Variants in RALYL observed in about 807,000 individuals in gnomAD.
The protein encoded by RALYL is RNA-binding Raly-like protein.
In RALYL, 29 loss-of-function variants were observed where a neutral mutation model predicts 35.1. The observed-to-expected ratio is 0.83, with a 90% CI of 0.61 to 1.13. The LOEUF is 1.13. RALYL is among the 50% of genes most tolerant of loss of function. The pLI is 0.00. For synonymous variants in RALYL, 120 were observed against 127.6 expected (o/e 0.94, Z 0.40); for missense variants, 359 against 360.4 (o/e 1.00, Z 0.03).
chr8:84,577,601 A>G (rs1181861170), intron 2 of RALYL, among the ~76,000 whole-genome samples: 1 of 152,188 alleles, frequency 6.6e-6, no homozygotes, highest in Non-Finnish European at 1.5e-5. Context: ...GTTAATATGA[A>G]TTCCCCTTTT....
chr8:84,294,883 A>G (rs6473540), intron 1 of RALYL, among the ~76,000 whole-genome samples: 146,993 of 152,148 alleles, frequency 0.97, 71,049 homozygotes, highest in East Asian at 1. Flanking sequence ...TGGCTAGGGA[A>G]CATAATTGAC....
chr8:84,320,786 T>C (rs1242482820), intron 1 of RALYL, among the ~76,000 whole-genome samples: 1 of 152,120 alleles, frequency 6.6e-6, no homozygotes, highest in Non-Finnish European at 1.5e-5. Flanking sequence ...GTTAGAGAAC[T>C]AAAAACTAAA....
At chr8:84,313,672 A>G (rs1476650752) in intron 1 of RALYL, among the ~76,000 whole-genome samples, 1 of 152,320 alleles carries the variant, frequency 6.6e-6, no homozygotes, top group African/African-American at 2.4e-5. Flanking sequence ...GCATAGCAAG[A>G]GTCACCTTTG....
At chr8:84,429,652 T>A in intron 1 of RALYL, among the ~76,000 whole-genome samples, 1 of 152,212 alleles carries the variant, frequency 6.6e-6, no homozygotes, top group Non-Finnish European at 1.5e-5. Flanking sequence ...CTCCCAAACT[T>A]TCATGTTAAT....
chr8:84,447,665 C>T (rs537666911), intron 1 of RALYL, among the ~76,000 whole-genome samples: 9 of 152,114 alleles, frequency 5.9e-5, no homozygotes, highest in African/African-American at 1.4e-4. Flanking sequence ...ATTACATTCT[C>T]GTTGCTTCAA....
At chr8:84,537,196 G>C (rs148118952) in intron 2 of RALYL, among the ~76,000 whole-genome samples, 2 of 149,384 alleles carry the variant, frequency 1.3e-5, no homozygotes, top group Non-Finnish European at 3.0e-5. Flanking sequence ...CGGGCCGGGC[G>C]CAGTGGCTCA....
chr8:84,460,149 G>C (rs1000660421), intron 1 of RALYL, among the ~76,000 whole-genome samples: 2 of 151,574 alleles, frequency 1.3e-5, no homozygotes, highest in Non-Finnish European at 3.0e-5. Flanking sequence ...AGGATAAAAT[G>C]GTATTTTGAA....
rs376378537 is a variant in RALYL, at chr8:84,873,359, G to T, written c.647G>T (p.Arg216Leu). The part of the protein sequence containing the change: ...IKTKIDSLLG[R>L]LEKIEKQQKA... ...ACTAAAATTGACTCCTTGCTAGGGC[G>T]CCTGGAGAAGATTGAGAAACAGCAG... Residue 216 changes from arginine (R) to leucine (L), a missense_variant, in exon 7 of 9, where the codon CGC becomes CTC. Transcript: ENST00000521268. 24 of 1,600,556 alleles carry T rather than the reference G, an allele frequency of 1.5e-5. No individual in the cohort carries two copies. The highest frequency in any genetic ancestry group is 1.6e-4 in the Middle Eastern group (1 of 6,076).
At chr8:84,375,119 A>G (rs534619076) in intron 1 of RALYL, among the ~76,000 whole-genome samples, 8 of 152,088 alleles carry the variant, frequency 5.3e-5, no homozygotes, top group Middle Eastern at 3.4e-3. Context: ...ATGTGTAATA[A>G]TCACAGCAGA....
rs1642122704 is a variant in RALYL at position 84,270,320 on chromosome 8, C to T, written c.-24+85896C>T. Among the ~76,000 whole-genome samples, 3 of 152,142 alleles carry T rather than the reference C, an allele frequency of 2.0e-5. No individual in the cohort carries two copies. The South Asian group carries it at 6.2e-4, about 32-fold the overall frequency. ...TGATGGTGGAACGCATTATAAGATA[C>T]AAGCTTCAAAGGTGCTCCTTGAAAG... On this transcript the variant is annotated intron_variant, in intron 1 of 8. Coordinates refer to ENST00000521268, the MANE Select transcript of RALYL (RefSeq NM_173848.7).
intron 1 of RALYL, among the ~76,000 whole-genome samples, chr8:84,218,513 G>A (rs1362386871): frequency 6.6e-6 from 1 of 151,956 alleles, no homozygotes; most frequent in Non-Finnish European, 1.5e-5. Flanking sequence ...CATGAAATAG[G>A]GTAATTTTTT....
intron 1 of RALYL, among the ~76,000 whole-genome samples, chr8:84,521,981 C>T (rs929511319): frequency 1.5e-4 from 23 of 152,010 alleles, no homozygotes; most frequent in Non-Finnish European, 2.6e-4. Context: ...TTAATGCATT[C>T]CCATTATTCT....
intron 1 of RALYL, among the ~76,000 whole-genome samples, chr8:84,204,179 T>A (rs1817554333): frequency 6.6e-6 from 1 of 152,068 alleles, no homozygotes; most frequent in African/African-American, 2.4e-5. Flanking sequence ...TAGAGATTGA[T>A]AGTCTCAGTA....
chr8:84,525,498 G>C (rs1053683200), intron 1 of RALYL, among the ~76,000 whole-genome samples: 1 of 151,866 alleles, frequency 6.6e-6, no homozygotes, highest in African/African-American at 2.4e-5. Context: ...GAGGTTCATT[G>C]AGATTCTTAG....
chr8:84,326,713 T>G (rs1845863247), intron 1 of RALYL, among the ~76,000 whole-genome samples: 1 of 152,180 alleles, frequency 6.6e-6, no homozygotes, highest in African/African-American at 2.4e-5. Context: ...ATAACTAAGG[T>G]AAAATGCAAT....
intron 1 of RALYL, among the ~76,000 whole-genome samples, chr8:84,413,932 C>T (rs1248158560): frequency 1.3e-5 from 2 of 152,018 alleles, no homozygotes; most frequent in East Asian, 3.9e-4. Flanking sequence ...CTTTGTATGG[C>T]ATATAAGACA....
intron 3 of RALYL, among the ~76,000 whole-genome samples, chr8:84,785,547 C>T (rs1479844695): frequency 1.3e-5 from 2 of 152,114 alleles, no homozygotes; most frequent in East Asian, 3.8e-4. Flanking sequence ...CCTTCAAACT[C>T]GGTGCAGTGT....
At chr8:84,833,044 T>G (rs1379031207) in intron 4 of RALYL, among the ~76,000 whole-genome samples, 1 of 152,140 alleles carries the variant, frequency 6.6e-6, no homozygotes, top group East Asian at 1.9e-4. Context: ...TTTCAAATAT[T>G]TAAAGTTAGG....
chr8:84,771,790 C>A (rs1176487476), intron 2 of RALYL, among the ~76,000 whole-genome samples: 2 of 151,864 alleles, frequency 1.3e-5, no homozygotes, highest in Non-Finnish European at 2.9e-5. Flanking sequence ...GAAACAAATC[C>A]TTTGTCAAAT....
Sources: gnomAD v4.1 joint callset for allele counts (sites outside exome capture counted in the v4.1 genomes callset) on GRCh38, gnomAD v4.1.1 for gene constraint, MANE v1.5 for transcripts, NCBI Gene and HGNC (gene_info 2026-07-23, HGNC 2026-07-21) for gene names.